Variants in EPM2A observed in about 807,000 individuals in gnomAD.
EPM2A encodes the protein EPM2A glucan phosphatase, laforin, also known as laforin.
A neutral mutation model predicts 26.5 loss-of-function variants in EPM2A; 21 were observed. The observed-to-expected ratio is 0.79, with a 90% CI of 0.56 to 1.14. The LOEUF (loss-of-function observed/expected upper bound fraction) is 1.14. EPM2A is among the 50% of genes most tolerant of loss of function. The pLI is 0.00. For missense variants in EPM2A, 458 were observed against 440.8 expected (o/e 1.04, Z -0.35); for synonymous variants, 217 against 177.6 (o/e 1.22, Z -1.76).
chr6:145,402,074 T>C (rs553468751), intron 4 of EPM2A, among the ~76,000 whole-genome samples: 2 of 152,246 alleles, frequency 1.3e-5, no homozygotes, highest in Admixed American at 1.3e-4. Flanking sequence ...AATAACGGCA[T>C]ATTTGCAAAA....
rs576021493 is a variant in EPM2A at position 145,566,827 on chromosome 6, C to T, written c.341-64252G>A. ...AGAGTTTTAGGCTGCTGCCTAAAGACAAGAGTAGAATAGGACTTAAAGAAA... is the reference window on the plus strand; with the variant it reads ...AGAGTTTTAGGCTGCTGCCTAAAGATAAGAGTAGAATAGGACTTAAAGAAA... On this transcript the variant is annotated intron_variant, in intron 2 of 3. Coordinates refer to the EPM2A transcript ENST00000450221. 2.0e-5 allele frequency among the ~76,000 whole-genome samples: 3 copies of T among 152,148 alleles called. No individual in the cohort carries two copies. In the East Asian group the frequency reaches 5.8e-4, roughly 29 times the overall value.
At chr6:145,644,562 G>A (rs1479637280) in intron 2 of EPM2A, among the ~76,000 whole-genome samples, 1 of 152,116 alleles carries the variant, frequency 6.6e-6, no homozygotes, top group Non-Finnish European at 1.5e-5. Flanking sequence ...TAGCAGTGCT[G>A]CAGTCAGGGA....
intron 4 of EPM2A, among the ~76,000 whole-genome samples, chr6:145,389,241 C>T (rs191863633): frequency 1.5e-3 from 220 of 150,978 alleles, no homozygotes; most frequent in African/African-American, 4.8e-3. Context: ...TACTCTGTCA[C>T]GAGTGCAGTG....
chr6:145,475,101 C>T (rs1779524675), intron 4 of EPM2A, among the ~76,000 whole-genome samples: 1 of 152,120 alleles, frequency 6.6e-6, no homozygotes, highest in Non-Finnish European at 1.5e-5. Flanking sequence ...CAATTTGACC[C>T]AGCAATCCCA....
chr6:145,718,709 G>T (rs955467599), intron 1 of EPM2A, among the ~76,000 whole-genome samples: 1 of 152,076 alleles, frequency 6.6e-6, no homozygotes, highest in Non-Finnish European at 1.5e-5. Flanking sequence ...GAAAATTTTC[G>T]CAACCTACTC....
In EPM2A at chr6:145,448,852, T is replaced by A. The variant is rs145744630; in HGVS notation, c.555+53670A>T. Among the ~76,000 whole-genome samples the A allele has an allele frequency of 8.6e-5, 13 of 151,830 alleles. No individual in the cohort carries two copies. In the East Asian group the frequency reaches 2.5e-3, roughly 29 times the overall value. On this transcript the variant is annotated intron_variant, in intron 4 of 4. Coordinates refer to the EPM2A transcript ENST00000638717. ...AAATAATCTAAACAAAGTCTCTTCC[T>A]CTTTTTCAAAACATTCTCTTAGTTG...
chr6:145,464,821 A>G (rs1779367176), intron 4 of EPM2A, among the ~76,000 whole-genome samples: 1 of 152,132 alleles, frequency 6.6e-6, no homozygotes, highest in African/African-American at 2.4e-5. Flanking sequence ...AACCCTTCAA[A>G]GCCCTAAATT....
intron 2 of EPM2A, among the ~76,000 whole-genome samples, chr6:145,584,513 A>T (rs1781160664): frequency 6.6e-6 from 1 of 152,118 alleles, no homozygotes; most frequent in Non-Finnish European, 1.5e-5. Context: ...GCCATGCTCC[A>T]CTGTAGCCAT....
chr6:145,572,469 A>T (rs1780971618), intron 2 of EPM2A, among the ~76,000 whole-genome samples: 1 of 152,104 alleles, frequency 6.6e-6, no homozygotes, highest in South Asian at 2.1e-4. Context: ...GCTGTGCACG[A>T]CCCACTTTAT....
chr6:145,475,866 C>G (rs1385495862), intron 4 of EPM2A, among the ~76,000 whole-genome samples: 2 of 151,664 alleles, frequency 1.3e-5, no homozygotes, highest in Non-Finnish European at 2.9e-5. Context: ...TAGAAGAAGA[C>G]AGAAATGAAA....
chr6:145,407,623 T>C (rs144785070), intron 4 of EPM2A, among the ~76,000 whole-genome samples: 2,155 of 152,308 alleles, frequency 0.014, 27 homozygotes, highest in Middle Eastern at 0.041. Flanking sequence ...AAATGCCATT[T>C]AGCAGCTTTT....
At chr6:145,640,275 G>C (rs747166234) in intron 2 of EPM2A, 1 of 152,200 alleles carries the variant, frequency 6.6e-6, no homozygotes, top group African/African-American at 2.4e-5. Context: ...GGTATTGGGA[G>C]ACAAGTCCAT....
intron 2 of EPM2A, among the ~76,000 whole-genome samples, chr6:145,518,239 G>A (rs922830576): frequency 6.6e-6 from 1 of 152,168 alleles, no homozygotes; most frequent in Non-Finnish European, 1.5e-5. Flanking sequence ...TTAGGATAAA[G>A]ATTGCTGTTT....
intron 2 of EPM2A, among the ~76,000 whole-genome samples, chr6:145,556,929 C>T (rs539818627): frequency 1.3e-5 from 2 of 151,902 alleles, no homozygotes; most frequent in South Asian, 2.1e-4. Flanking sequence ...ATATCATACA[C>T]GATCATGTAA....
At chr6:145,724,925 T>A (rs868220662) in intron 1 of EPM2A, among the ~76,000 whole-genome samples, 28 of 152,100 alleles carry the variant, frequency 1.8e-4, no homozygotes, top group South Asian at 6.2e-4. Context: ...CCCTTGGATT[T>A]GGAGAAGAGT....
chr6:145,676,944 C>G (rs1424314635), intron 2 of EPM2A, among the ~76,000 whole-genome samples: 1 of 152,156 alleles, frequency 6.6e-6, no homozygotes, highest in Non-Finnish European at 1.5e-5. Flanking sequence ...CTAGCATCAT[C>G]CTGATACCAA....
chr6:145,676,648 C>T (rs183281132), intron 2 of EPM2A, among the ~76,000 whole-genome samples: 24 of 152,264 alleles, frequency 1.6e-4, no homozygotes, highest in Admixed American at 1.4e-3. Flanking sequence ...ATACTATAAA[C>T]ACCTCTATCC....
chr6:145,384,620 C>G (rs2114651657), intron 4 of EPM2A, among the ~76,000 whole-genome samples: 1 of 147,314 alleles, frequency 6.8e-6, no homozygotes, highest in African/African-American at 2.5e-5. Flanking sequence ...GAAAGCAACT[C>G]TCTTTAGGGG....
intron 1 of EPM2A, among the ~76,000 whole-genome samples, chr6:145,731,198 C>G (rs188551668): frequency 1.2e-4 from 18 of 152,306 alleles, no homozygotes; most frequent in Non-Finnish European, 2.1e-4. Context: ...AGCCACACAC[C>G]CTGAGCGGAA....
Sources: gnomAD v4.1 joint callset for allele counts (sites outside exome capture counted in the v4.1 genomes callset) on GRCh38, gnomAD v4.1.1 for gene constraint, MANE v1.5 for transcripts, NCBI Gene and HGNC (gene_info 2026-07-23, HGNC 2026-07-21) for gene names.